Variants in NTM observed in about 807,000 individuals in gnomAD.
NTM encodes the protein neurotrimin, also known as IgLON family member 2.
A neutral mutation model predicts 42.1 loss-of-function variants in NTM; 13 were observed. The ratio of observed to expected loss-of-function variants is 0.31; its 90% CI spans 0.20 to 0.49. The LOEUF (loss-of-function observed/expected upper bound fraction) is 0.49, where lower values mean the gene tolerates loss of function less well. NTM is among the 20% of genes least tolerant of loss of function. The pLI, the probability that NTM is intolerant of heterozygous loss-of-function variation, is 0.99. For missense variants in NTM, 373 were observed against 452.8 expected, an observed-to-expected ratio of 0.82 and a Z score of 1.60; for synonymous variants, 187 against 179.2, an observed-to-expected ratio of 1.04 and a Z score of -0.35.
At chr11:131,451,833 G>A (rs1355739997) in intron 1 of NTM, among the ~76,000 whole-genome samples, 3 of 152,070 alleles carry the variant, frequency 2.0e-5, no homozygotes, top group Non-Finnish European at 4.4e-5. Context: ...GTGAGGAGGA[G>A]CACACACAGT....
At chr11:132,150,923 A>G (rs1342787527) in intron 3 of NTM, among the ~76,000 whole-genome samples, 1 of 152,202 alleles carries the variant, frequency 6.6e-6, no homozygotes, top group Non-Finnish European at 1.5e-5. Flanking sequence ...GATGCCTTGA[A>G]TACTTCCTTC....
intron 1 of NTM, among the ~76,000 whole-genome samples, chr11:131,671,845 A>C (rs1452364762): frequency 6.6e-6 from 1 of 152,152 alleles, no homozygotes; most frequent in Non-Finnish European, 1.5e-5. Context: ...TTTGAGAGCT[A>C]AGGCCCCTCT....
intron 2 of NTM, among the ~76,000 whole-genome samples, chr11:132,112,649 G>T (rs188235422): frequency 2.6e-5 from 4 of 151,592 alleles, no homozygotes; most frequent in Non-Finnish European, 5.9e-5. Flanking sequence ...GTCCCCCCGG[G>T]CTCTCAGAGG....
At chr11:132,043,411 G>A (rs2077468346) in intron 2 of NTM, among the ~76,000 whole-genome samples, 1 of 152,228 alleles carries the variant, frequency 6.6e-6, no homozygotes, top group African/African-American at 2.4e-5. Context: ...TAAGATGAGG[G>A]AGGGTGCTTT....
At chr11:131,384,227 A>G (rs775747463) in intron 1 of NTM, among the ~76,000 whole-genome samples, 1 of 152,212 alleles carries the variant, frequency 6.6e-6, no homozygotes, top group African/African-American at 2.4e-5. Flanking sequence ...AGGAATACAT[A>G]AAAAAGAATT....
At chr11:131,725,024 A>G (rs2078792844) in intron 1 of NTM, among the ~76,000 whole-genome samples, 1 of 152,184 alleles carries the variant, frequency 6.6e-6, no homozygotes, top group Non-Finnish European at 1.5e-5. Flanking sequence ...GTTCAGGCCT[A>G]TGATCAAGGA....
chr11:131,709,222 G>C (rs1322085527), intron 1 of NTM, among the ~76,000 whole-genome samples: 1 of 151,960 alleles, frequency 6.6e-6, no homozygotes, highest in East Asian at 1.9e-4. Context: ...GGGGTTGTGG[G>C]GGCCATTCTA....
At chr11:131,692,064 G>T (rs566661556) in intron 1 of NTM, among the ~76,000 whole-genome samples, 69 of 152,314 alleles carry the variant, frequency 4.5e-4, no homozygotes, top group African/African-American at 1.6e-3. Context: ...AGGGAAGGGA[G>T]GAAAAACAGA....
At chr11:131,575,336 C>A (rs188539695) in intron 1 of NTM, among the ~76,000 whole-genome samples, 144 of 152,332 alleles carry the variant, frequency 9.5e-4, no homozygotes, top group African/African-American at 3.4e-3. Context: ...TCCAAAAGTA[C>A]ACTTACAGTA....
intron 2 of NTM, among the ~76,000 whole-genome samples, chr11:132,069,940 A>C (rs1314940676): frequency 6.8e-6 from 1 of 147,544 alleles, no homozygotes; most frequent in East Asian, 2.0e-4. Flanking sequence ...ATCACAGGTT[A>C]GTTAACATGT....
At chr11:131,564,109 T>C (rs1459817644) in intron 1 of NTM, among the ~76,000 whole-genome samples, 2 of 152,196 alleles carry the variant, frequency 1.3e-5, no homozygotes, top group Non-Finnish European at 2.9e-5. Flanking sequence ...TCTCTGCCAG[T>C]GGTTTATGCC....
intron 2 of NTM, among the ~76,000 whole-genome samples, chr11:131,948,083 C>A (rs140436008): frequency 2.0e-5 from 3 of 152,114 alleles, no homozygotes; most frequent in African/African-American, 7.2e-5. Context: ...CTCAATTGGC[C>A]GGGTGCAGTG....
chr11:131,530,924 G>A (rs572872503), intron 1 of NTM, among the ~76,000 whole-genome samples: 1 of 152,366 alleles, frequency 6.6e-6, no homozygotes, highest in South Asian at 2.1e-4. Context: ...AGAGAAGGGA[G>A]AACAGTAGTG....
At chr11:131,718,867 CCT>C (rs975852440) in intron 1 of NTM, among the ~76,000 whole-genome samples, 1 of 152,144 alleles carries the variant, frequency 6.6e-6, no homozygotes, top group Non-Finnish European at 1.5e-5. Context: ...ATGCTGTGCT[CCT>C]CTCGTTTTCC....
chr11:131,563,901 C>A (rs1330591164), intron 1 of NTM, among the ~76,000 whole-genome samples: 2 of 152,072 alleles, frequency 1.3e-5, no homozygotes, highest in African/African-American at 4.8e-5. Context: ...CTCTACCGTT[C>A]CTTCGCTGTT....
chr11:131,521,381 GTCTTTTTTTTTTTT>G (rs2049666136), intron 1 of NTM, among the ~76,000 whole-genome samples: 3 of 103,374 alleles, frequency 2.9e-5, no homozygotes, highest in Non-Finnish European at 3.9e-5. Flanking sequence ...CAAGGTGCCA[GTCTTTTTTTTTTTT>G]TTTTTTTTTT....
chr11:132,331,470 A>AAAG (rs1197153707), intron 8 of NTM, among the ~76,000 whole-genome samples: 1 of 152,186 alleles, frequency 6.6e-6, no homozygotes, highest in Non-Finnish European at 1.5e-5. Context: ...AGGTATGAAA[A>AAAG]AAGTTTTTGT....
intron 2 of NTM, among the ~76,000 whole-genome samples, chr11:132,102,076 G>A (rs1307444236): frequency 6.6e-6 from 1 of 152,114 alleles, no homozygotes; most frequent in African/African-American, 2.4e-5. Context: ...CTTATGTTCT[G>A]TATTTTGCCT....
At chr11:131,790,600 A>G (rs2090793306) in intron 1 of NTM, among the ~76,000 whole-genome samples, 1 of 152,218 alleles carries the variant, frequency 6.6e-6, no homozygotes, top group Non-Finnish European at 1.5e-5. Flanking sequence ...CATTCAAAGT[A>G]GGCAAATGTT....
Sources: allele counts gnomAD v4.1 joint callset (sites outside exome capture counted in the v4.1 genomes callset), GRCh38; gene constraint gnomAD v4.1.1; transcripts MANE v1.5; gene names NCBI Gene and HGNC (gene_info 2026-07-23, HGNC 2026-07-21).